ABCA10: variants seen among roughly 807,000 people sequenced by gnomAD.
The protein encoded by ABCA10 is ATP-binding cassette sub-family A member 10.
ABCA10 carries 169 observed loss-of-function variants against 187.5 expected under a neutral mutation model. That is an observed-to-expected ratio of 0.90 (90% CI 0.80 to 1.02). The LOEUF (loss-of-function observed/expected upper bound fraction) is 1.02. Among genes scored for constraint, ABCA10 ranks in the 50% least tolerant of loss-of-function variants. ABCA10 has a pLI of 0.00. For missense variants in ABCA10, 1,727 were observed against 1,812.4 expected, an observed-to-expected ratio of 0.95 and a Z score of 0.86; for synonymous variants, 574 against 601.8, an observed-to-expected ratio of 0.95 and a Z score of 0.68.
chr17:69,194,397 C>CA lies in ABCA10; in HGVS notation c.1332dup (p.Val445CysfsTer11). 1 of 1,421,302 alleles carries CA rather than the reference C, an allele frequency of 7.0e-7. No individual in the cohort carries two copies. Among genetic ancestry groups the CA allele is most frequent in the Admixed American group, 2.4e-5 (1 of 42,150 alleles). 88.0% of individuals were successfully genotyped at this position (1,421,302 alleles called of 1,614,324 possible). A position where few individuals can be genotyped will look rare whatever the true frequency, so the allele number is the denominator to read the frequency against. On this transcript the variant is annotated frameshift_variant, in exon 12 of 39. Transcript: ENST00000690296. LOFTEE classifies it high-confidence loss of function. ...ACTGTTTTCTCACCTTCTGTAGAAA[C>CA]AGACAATCCACTAAGAATGTTTAGC...
At chr17:69,152,527 G>C (rs772268636) in intron 34 of ABCA10, 46 bp from the exon 35 acceptor site, 2 of 1,562,824 alleles carry the variant, frequency 1.3e-6, no homozygotes, top group African/African-American at 2.7e-5. Flanking sequence ...AGTAATTTGG[G>C]GAAATAGATA....
At chr17:69,149,444 G>A (rs748746844) in intron 37 of ABCA10, 7 of 222,368 alleles carry the variant, frequency 3.1e-5, no homozygotes, top group Non-Finnish European at 6.2e-5. Context: ...TTTCACACTT[G>A]TACATTCTGC....
In ABCA10 at chr17:69,148,827, T is replaced by G. The variant is rs1192290000; in HGVS notation, c.4632A>C (p.Ter1544TyrextTer10). ...ATTGAATGTTAGGAGGTTCTTCATT[T>G]TAAGGGTCTTCCTGTGGGAGAAGTT... Reference protein sequence around the residue: ...EWKLLPQEDP* With the variant: ...EWKLLPQEDPY Residue 1544 changes from the stop codon to tyrosine, a stop_lost, in exon 39 of 39, where the codon TAA becomes TAC. Coordinates refer to ENST00000690296, the MANE Select transcript of ABCA10 (RefSeq NM_001377321.1). 2.5e-6 allele frequency: 4 copies of G among 1,610,892 alleles called. No individual in the cohort carries two copies. The highest frequency in any genetic ancestry group is 1.7e-5 in the Admixed American group (1 of 59,950).
At chr17:69,214,587 A>C (rs1598120571) in intron 9 of ABCA10, 117 bp downstream of exon 9, 1 of 916,622 alleles carries the variant, frequency 1.1e-6, no homozygotes, top group East Asian at 3.1e-5. Context: ...ATTGTTTTGA[A>C]ATTTTTTCTT....
At position 69,155,794 on chromosome 17, in the gene ABCA10, C is replaced by G. The variant is rs1194262349; in HGVS notation, c.3576+11G>C. 50 of 1,613,074 alleles carry G rather than the reference C, an allele frequency of 3.1e-5. No homozygotes were observed. Among genetic ancestry groups the G allele is most frequent in the Non-Finnish European group, 4.2e-5 (50 of 1,179,464 alleles). ...GAGCATTTTATTAAGGGTCTAATCC[C>G]TGCTGTTCACCTCCTCCAAGTTTGG... is the stretch of plus-strand genomic sequence containing the variant. On this transcript the variant is annotated intron_variant, in intron 29 of 38. Transcript: ENST00000690296.
intron 22 of ABCA10, among the ~76,000 whole-genome samples, chr17:69,178,532 G>A (rs138097630): frequency 8.3e-4 from 127 of 152,274 alleles, no homozygotes; most frequent in African/African-American, 2.8e-3. Flanking sequence ...GGTGATACTA[G>A]TGTATGTTAA....
intron 10 of ABCA10, 84 bp downstream of exon 10, chr17:69,201,416 T>A: frequency 1.7e-6 from 2 of 1,206,620 alleles, no homozygotes; most frequent in Non-Finnish European, 2.2e-6. Context: ...AAAGAACACA[T>A]AATCTATATC....
intron 20 of ABCA10, among the ~76,000 whole-genome samples, chr17:69,184,106 A>G (rs1303564247): frequency 6.6e-6 from 1 of 152,048 alleles, no homozygotes; most frequent in Non-Finnish European, 1.5e-5. Flanking sequence ...CTACTTCCCT[A>G]GCGACCTGTA....
chr17:69,177,086 G>A (rs1012063406), intron 22 of ABCA10, among the ~76,000 whole-genome samples: 4 of 151,836 alleles, frequency 2.6e-5, no homozygotes, highest in Non-Finnish European at 5.9e-5. Flanking sequence ...TACTTCTCTG[G>A]GTTCCTTGCT....
intron 20 of ABCA10, among the ~76,000 whole-genome samples, chr17:69,183,259 T>C (rs1429538985): frequency 6.6e-6 from 1 of 152,220 alleles, no homozygotes; most frequent in Non-Finnish European, 1.5e-5. Flanking sequence ...ATATTTAAAG[T>C]ACTAGTAACC....
intron 32 of ABCA10, 85 bp downstream of exon 32, chr17:69,153,746 T>C (rs2074149318): frequency 6.7e-7 from 1 of 1,495,046 alleles, no homozygotes; most frequent in East Asian, 2.3e-5. Context: ...AAAGACATTG[T>C]TTATAATTTC....
chr17:69,163,310 G>A (rs890662658), intron 27 of ABCA10, among the ~76,000 whole-genome samples: 4 of 152,060 alleles, frequency 2.6e-5, no homozygotes, highest in African/African-American at 9.7e-5. Context: ...ATACACAATA[G>A]AATTTATTTG....
chr17:69,165,196 T>A (rs2074246751), intron 25 of ABCA10, 113 bp from the exon 26 acceptor site: 9 of 874,232 alleles, frequency 1.0e-5, no homozygotes, highest in Non-Finnish European at 1.4e-5. Flanking sequence ...AACTTTTACC[T>A]CACAGATAGA....
Position 69,149,058 on chromosome 17 carries a change from C to T in ABCA10, c.4508G>A (p.Ser1503Asn). 1 of 1,613,884 alleles carries T rather than the reference C, an allele frequency of 6.2e-7. No homozygotes were observed. Among genetic ancestry groups the T allele is most frequent in the Non-Finnish European group, 8.5e-7 (1 of 1,179,886 alleles). Residue 1503 changes from serine (S) to asparagine (N), a missense_variant, in exon 38 of 39, where the codon AGC becomes AAC. Coordinates refer to ENST00000690296, the MANE Select transcript of ABCA10 (RefSeq NM_001377321.1). The part of the protein sequence containing the change: ...MKQTFNLEEY[S>N]LSQATLEQVF... The stretch of plus-strand genomic sequence containing the variant: ...CTGCTCCAAGGTAGCCTGAGAGAGG[C>T]TGTATTCCTCCAGGTTGAAGGTCTG...
Position 69,154,226 on chromosome 17 carries a change from G to T in ABCA10, c.3786+9C>A. ...ATTTAAAATAAAATTTCCTTCACATGTCACATACCACTCCTGCAGTTGGCT... is the reference window on the plus strand; with the variant it reads ...ATTTAAAATAAAATTTCCTTCACATTTCACATACCACTCCTGCAGTTGGCT... On this transcript the variant is annotated intron_variant, in intron 31 of 38. Transcript: ENST00000690296. 2 of 1,593,122 alleles carry T rather than the reference G, an allele frequency of 1.3e-6. No individual in the cohort carries two copies. Among genetic ancestry groups the T allele is most frequent in the East Asian group, 4.5e-5 (2 of 44,672 alleles).
rs113082690 is a variant in ABCA10 at position 69,194,395 on chromosome 17, AACAG to A, written c.1331_1334del (p.Ser444PhefsTer17). 97,931 of 1,609,420 alleles carry A rather than the reference AACAG, an allele frequency of 0.061. 3,701 individuals carry two copies. The highest frequency in any genetic ancestry group is 0.16 in the Admixed American group (9,657 of 59,730). On this transcript the variant is annotated frameshift_variant, in exon 12 of 39. Transcript: ENST00000690296. LOFTEE classifies it high-confidence loss of function. ...AAACTGTTTTCTCACCTTCTGTAGA[AACAG>A]ACAATCCACTAAGAATGTTTAGCAG...
chr17:69,159,610 G>T (rs2074199646), intron 27 of ABCA10, among the ~76,000 whole-genome samples: 1 of 152,000 alleles, frequency 6.6e-6, no homozygotes, highest in African/African-American at 2.4e-5. Flanking sequence ...AACAATGGAG[G>T]CCAGGAGAAA....
chr17:69,198,132 T>A (rs1353148498), intron 10 of ABCA10, among the ~76,000 whole-genome samples: 1 of 152,176 alleles, frequency 6.6e-6, no homozygotes, highest in African/African-American at 2.4e-5. Flanking sequence ...CCTACAAAAT[T>A]ATTACAATTT....
At chr17:69,168,811 G>A (rs2074273816) in intron 25 of ABCA10, among the ~76,000 whole-genome samples, 1 of 152,152 alleles carries the variant, frequency 6.6e-6, no homozygotes, top group African/African-American at 2.4e-5. Flanking sequence ...AACAGGAGTT[G>A]CCCTGCACAA....
Sources: allele counts gnomAD v4.1 joint callset (sites outside exome capture counted in the v4.1 genomes callset), GRCh38; gene constraint gnomAD v4.1.1; transcripts MANE v1.5; gene names NCBI Gene and HGNC (gene_info 2026-07-23, HGNC 2026-07-21).